GARIN1B: variants seen among roughly 807,000 people sequenced by gnomAD.
The protein encoded by GARIN1B is golgi associated RAB2 interactor 1B.
the GARIN1B span, among the ~76,000 whole-genome samples, chr7:128,725,888 C>G: frequency 1.3e-5 from 2 of 152,152 alleles, no homozygotes; most frequent in Admixed American, 6.5e-5. Context: ...CTGGCACAGA[C>G]AGCTTTTAAT....
chr7:128,718,786 G>A, the GARIN1B span: 2 of 1,595,416 alleles, frequency 1.3e-6, no homozygotes, highest in East Asian at 2.2e-5. Context: ...GGGTCAGATT[G>A]GATGCAATAG....
the GARIN1B span, chr7:128,713,980 A>C: frequency 6.5e-7 from 1 of 1,526,800 alleles, no homozygotes; most frequent in Non-Finnish European, 8.8e-7. Context: ...TCCTTAGAGA[A>C]TGTGACCATG....
At chr7:128,727,523 C>T in the GARIN1B span, among the ~76,000 whole-genome samples, 3 of 152,204 alleles carry the variant, frequency 2.0e-5, no homozygotes, top group Non-Finnish European at 2.9e-5. Flanking sequence ...GAGCATGACA[C>T]ATTCTGGAAA....
At chr7:128,718,761 A>G in the GARIN1B span, 4 of 1,561,036 alleles carry the variant, frequency 2.6e-6, no homozygotes, top group Non-Finnish European at 3.5e-6. Context: ...GACCTGCCTC[A>G]TTTTAACGAA....
At chr7:128,714,093 G>C in the GARIN1B span, 6 of 1,535,936 alleles carry the variant, frequency 3.9e-6, no homozygotes, top group Non-Finnish European at 5.2e-6. Flanking sequence ...GCAGGGGTGT[G>C]ATCTGAATGA....
At chr7:128,723,272 G>A in the GARIN1B span, 1 of 1,613,204 alleles carries the variant, frequency 6.2e-7, no homozygotes. Flanking sequence ...GGAGAGTGAA[G>A]CCCTGTCTCA....
chr7:128,715,080 G>C, the GARIN1B span: 6 of 169,252 alleles, frequency 3.5e-5, no homozygotes, highest in Non-Finnish European at 6.0e-5. Context: ...AGTAAGGAAG[G>C]GTTGAAAGGC....
the GARIN1B span, among the ~76,000 whole-genome samples, chr7:128,711,844 C>A: frequency 6.6e-6 from 1 of 152,142 alleles, no homozygotes; most frequent in African/African-American, 2.4e-5. Flanking sequence ...AGTTCAAGAC[C>A]AGCCTGACCA....
the GARIN1B span, among the ~76,000 whole-genome samples, chr7:128,725,794 A>C: frequency 1.3e-5 from 2 of 151,892 alleles, no homozygotes; most frequent in South Asian, 4.2e-4. Flanking sequence ...CCCATTTTGC[A>C]TAGACATGTA....
At chr7:128,724,872 T>C in the GARIN1B span, 2 of 1,287,386 alleles carry the variant, frequency 1.6e-6, no homozygotes, top group Admixed American at 2.3e-5. Flanking sequence ...CAAGCGCTTA[T>C]AGCAACGAAG....
chr7:128,714,833 T>G, the GARIN1B span, among the ~76,000 whole-genome samples: 2 of 152,098 alleles, frequency 1.3e-5, no homozygotes, highest in Non-Finnish European at 2.9e-5. Context: ...AGCCTCTGGA[T>G]AAGAAACTAA....
At chr7:128,730,998 G>A in the GARIN1B span, 148 of 1,091,476 alleles carry the variant, frequency 1.4e-4, no homozygotes, top group Non-Finnish European at 2.0e-5. Context: ...ATTATAGATA[G>A]TTGACAATTT....
chr7:128,709,908 C>T, the GARIN1B span, among the ~76,000 whole-genome samples: 1 of 152,000 alleles, frequency 6.6e-6, no homozygotes. Context: ...TGTGCCACCA[C>T]GCCCGGCTAA....
the GARIN1B span, chr7:128,731,412 G>A: frequency 1.0e-5 from 5 of 490,932 alleles, no homozygotes; most frequent in Non-Finnish European, 1.8e-5. Context: ...GACCAGAGAA[G>A]TGGAAGGAAG....
chr7:128,724,464 T>G, the GARIN1B span, among the ~76,000 whole-genome samples: 1 of 152,168 alleles, frequency 6.6e-6, no homozygotes, highest in African/African-American at 2.4e-5. Context: ...TTTCTTAATA[T>G]AGAGTCTGTT....
chr7:128,714,171 T>C, the GARIN1B span: 14 of 1,529,072 alleles, frequency 9.2e-6, no homozygotes, highest in South Asian at 1.2e-5. Flanking sequence ...TCCCTGACTT[T>C]ATAATGAAAT....
At chr7:128,718,664 G>T in the GARIN1B span, among the ~76,000 whole-genome samples, 1 of 152,320 alleles carries the variant, frequency 6.6e-6, no homozygotes, top group East Asian at 1.9e-4. Context: ...AACAAGCTCA[G>T]CAGGTGTATT....
the GARIN1B span, among the ~76,000 whole-genome samples, chr7:128,714,534 C>T: frequency 2.6e-5 from 4 of 151,594 alleles, no homozygotes; most frequent in South Asian, 2.1e-4. Flanking sequence ...GCCGAGATCG[C>T]GCACATTGTA....
At chr7:128,720,348 A>G in the GARIN1B span, among the ~76,000 whole-genome samples, 1 of 151,688 alleles carries the variant, frequency 6.6e-6, no homozygotes, top group Admixed American at 6.6e-5. Context: ...ACAAGCATGC[A>G]CCACCACACT....
Sources: allele counts gnomAD v4.1 joint callset (sites outside exome capture counted in the v4.1 genomes callset), GRCh38; gene constraint gnomAD v4.1.1; transcripts MANE v1.5; gene names NCBI Gene and HGNC (gene_info 2026-07-23, HGNC 2026-07-21).